Variants in COL10A1 observed in about 807,000 individuals in gnomAD.
The protein encoded by COL10A1 is collagen type X alpha 1 chain.
A neutral mutation model predicts 18.2 loss-of-function variants in COL10A1; 10 were observed. The ratio of observed to expected loss-of-function variants is 0.55; its 90% CI spans 0.34 to 0.93. The LOEUF is 0.93. Among genes scored for constraint, COL10A1 ranks in the 40% least tolerant of loss-of-function variants. The pLI is 0.02. For synonymous variants in COL10A1, 330 were observed against 316.6 expected, an observed-to-expected ratio of 1.04 and a Z score of -0.45; for missense variants, 897 against 853.5, an observed-to-expected ratio of 1.05 and a Z score of -0.64.
chr6:116,147,732 C>CT (rs1779934458), intron 1 of COL10A1, among the ~76,000 whole-genome samples: 3 of 152,192 alleles, frequency 2.0e-5, no homozygotes, highest in East Asian at 1.9e-4. Flanking sequence ...AATTATATCT[C>CT]TAAGAATTTA....
chr6:116,156,070 A>C (rs930619651), intron 1 of COL10A1, among the ~76,000 whole-genome samples: 5 of 152,204 alleles, frequency 3.3e-5, no homozygotes, highest in African/African-American at 1.2e-4. Flanking sequence ...TTTCCTAATC[A>C]TGCCATCACT....
At chr6:116,179,004 T>C in the COL10A1 span, among the ~76,000 whole-genome samples, 2 of 152,230 alleles carry the variant, frequency 1.3e-5, no homozygotes, top group African/African-American at 4.8e-5. Context: ...TTCATAGTTA[T>C]ACAAATGGTA....
chr6:116,155,442 C>A (rs1001608637), intron 1 of COL10A1, among the ~76,000 whole-genome samples: 1 of 152,012 alleles, frequency 6.6e-6, no homozygotes, highest in Non-Finnish European at 1.5e-5. Flanking sequence ...CTCTAGAGGA[C>A]CATTGTGAAT....
At chr6:116,188,853 G>A in the COL10A1 span, among the ~76,000 whole-genome samples, 1 of 151,740 alleles carries the variant, frequency 6.6e-6, no homozygotes, top group Non-Finnish European at 1.5e-5. Flanking sequence ...AGGAGAGAAG[G>A]CCTATTTCAT....
the COL10A1 span, among the ~76,000 whole-genome samples, chr6:116,168,837 G>T: frequency 2.0e-5 from 3 of 152,106 alleles, no homozygotes; most frequent in Non-Finnish European, 2.9e-5. Context: ...GGCAGCTAGG[G>T]CTCTAGCACT....
chr6:116,153,084 T>G (rs1245100570), intron 1 of COL10A1, among the ~76,000 whole-genome samples: 1 of 151,944 alleles, frequency 6.6e-6, no homozygotes, highest in Non-Finnish European at 1.5e-5. Flanking sequence ...TAACATTTAA[T>G]AAAATCCCTG....
At chr6:116,169,862 T>G in the COL10A1 span, among the ~76,000 whole-genome samples, 4 of 152,144 alleles carry the variant, frequency 2.6e-5, no homozygotes, top group Non-Finnish European at 5.9e-5. Flanking sequence ...ATTGAGCAAG[T>G]GATAATCCAG....
At chr6:116,208,357 T>C in the COL10A1 span, among the ~76,000 whole-genome samples, 29 of 152,052 alleles carry the variant, frequency 1.9e-4, no homozygotes, top group African/African-American at 6.7e-4. Flanking sequence ...AACAAAACCC[T>C]CCCAAAATGT....
At chr6:116,194,767 G>T in the COL10A1 span, among the ~76,000 whole-genome samples, 1 of 152,020 alleles carries the variant, frequency 6.6e-6, no homozygotes, top group Admixed American at 6.6e-5. Context: ...ATGACTAAAG[G>T]TAGTGGCTTT....
At position 116,148,046 on chromosome 6, in the gene COL10A1, G is replaced by T. The variant is rs370276510; in HGVS notation, c.-16+10568C>A. Among the ~76,000 whole-genome samples the T allele has an allele frequency of 1.7e-3, 261 of 151,756 alleles. 3 individuals are homozygous for T. The highest frequency in any genetic ancestry group is 5.6e-3 in the African/African-American group (231 of 41,376). ...GTTGTGGACTATGAAAAGACATCCA[G>T]AATATATTTAGTAGAAAAAGAAGTG... On this transcript the variant is annotated intron_variant, in intron 1 of 1. Coordinates refer to the COL10A1 transcript ENST00000418500.
At chr6:116,160,993 A>G (rs911833718), upstream of COL10A1, among the ~76,000 whole-genome samples, 1 of 151,982 alleles carries the variant, frequency 6.6e-6, no homozygotes, top group Non-Finnish European at 1.5e-5. Context: ...CATATACACC[A>G]TGGAATACTA....
At chr6:116,143,377 A>AT (rs1779814883) in intron 1 of COL10A1, among the ~76,000 whole-genome samples, 1 of 151,774 alleles carries the variant, frequency 6.6e-6, no homozygotes, top group Non-Finnish European at 1.5e-5. Flanking sequence ...TACCCAGCTA[A>AT]TTTTTTTTGT....
chr6:116,136,447 AT>A (rs761061952), intron 1 of COL10A1, among the ~76,000 whole-genome samples: 11 of 148,956 alleles, frequency 7.4e-5, no homozygotes, highest in Non-Finnish European at 1.3e-4. Flanking sequence ...GGTTATAGCT[AT>A]TTTTTTTAAG....
chr6:116,163,135 A>AT (rs1554197048), upstream of COL10A1, among the ~76,000 whole-genome samples: 6 of 98,540 alleles, frequency 6.1e-5, no homozygotes, highest in East Asian at 7.3e-4. Context: ...TCAAAAAAAA[A>AT]AAAAAAATAT....
the COL10A1 span, among the ~76,000 whole-genome samples, chr6:116,209,899 A>G: frequency 6.6e-6 from 1 of 152,000 alleles, no homozygotes; most frequent in Admixed American, 6.6e-5. Context: ...TTTCTTTAAC[A>G]GATAATGGTC....
rs754588076 is a variant in COL10A1, at chr6:116,120,699, C to G, written c.1417G>C (p.Gly473Arg). 2.6e-6 allele frequency: 4 copies of G among 1,553,906 alleles called. No homozygotes were observed. The highest frequency in any genetic ancestry group is 1.7e-6 in the Non-Finnish European group (2 of 1,156,668). Reference protein sequence around the residue: ...PGSKGDPGSPGPPGPAGIATK... With the variant: ...PGSKGDPGSPRPPGPAGIATK... ...GCTATGCCAGCTGGGCCAGGAGGACCGGGACTTCCTGGATCCCCTTTAGAC... is the reference window on the plus strand; with the variant it reads ...GCTATGCCAGCTGGGCCAGGAGGACGGGGACTTCCTGGATCCCCTTTAGAC... The change falls in exon 3 of 3, where the codon GGT becomes CGT. Residue 473 changes from glycine to arginine, a missense_variant. By Grantham distance (125) the Gly-to-Arg change is moderately radical. Coordinates refer to ENST00000651968, the MANE Select transcript of COL10A1 (RefSeq NM_000493.4).
chr6:116,202,230 C>CT, the COL10A1 span, among the ~76,000 whole-genome samples: 2 of 152,110 alleles, frequency 1.3e-5, no homozygotes, highest in Non-Finnish European at 2.9e-5. Context: ...GCCTTCCTTG[C>CT]ACACACTTGG....
At chr6:116,205,713 T>G in the COL10A1 span, among the ~76,000 whole-genome samples, 1 of 152,018 alleles carries the variant, frequency 6.6e-6, no homozygotes, top group African/African-American at 2.4e-5. Context: ...CATTTTAAAT[T>G]TTTCACTAAT....
chr6:116,204,097 G>A, the COL10A1 span, among the ~76,000 whole-genome samples: 1 of 151,872 alleles, frequency 6.6e-6, no homozygotes, highest in Non-Finnish European at 1.5e-5. Context: ...TGGTCCTGCA[G>A]TGAAACACCT....
Sources: allele counts gnomAD v4.1 joint callset (sites outside exome capture counted in the v4.1 genomes callset), GRCh38; gene constraint gnomAD v4.1.1; transcripts MANE v1.5; gene names NCBI Gene and HGNC (gene_info 2026-07-23, HGNC 2026-07-21).